Variants in SLC35A5 observed in about 807,000 individuals in gnomAD.
The protein encoded by SLC35A5 is solute carrier family 35 member A5, also known as UDP-sugar transporter protein SLC35A5.
In SLC35A5, 28 loss-of-function variants were observed where a neutral mutation model predicts 36.3. The observed-to-expected ratio is 0.77, with a 90% CI of 0.57 to 1.06. The LOEUF is 1.06. SLC35A5 is among the 50% of genes least tolerant of loss of function. The probability of loss-of-function intolerance (pLI) is 0.00; values close to 1 mark genes in which losing one functional copy is unlikely to be tolerated. For missense variants in SLC35A5, 521 were observed against 499.3 expected, an observed-to-expected ratio of 1.04 and a Z score of -0.41; for synonymous variants, 180 against 173.7, an observed-to-expected ratio of 1.04 and a Z score of -0.29.
In SLC35A5 at chr3:112,570,112, A is replaced by G. The variant is rs978951961; in HGVS notation, c.230-428A>G. Among the ~76,000 whole-genome samples the G allele has an allele frequency of 3.3e-5, 5 of 152,220 alleles. No homozygotes were observed. In the South Asian group the frequency reaches 1.0e-3, roughly 31 times the overall value. ...GGAATAATAACTGACAGGATTACTA[A>G]AAGTTAACTTTCTCTAGTTCCATAT... On this transcript the variant is annotated intron_variant, in intron 3 of 6. Coordinates refer to ENST00000492406, the MANE Select transcript of SLC35A5 (RefSeq NM_017945.5).
At chr3:112,575,870 G>A (rs1220325732) in intron 5 of SLC35A5, among the ~76,000 whole-genome samples, 1 of 141,748 alleles carries the variant, frequency 7.1e-6, no homozygotes, top group African/African-American at 2.6e-5. Flanking sequence ...AGCAATTCTT[G>A]TTCCTCAGCC....
At chr3:112,581,661 A>T (rs893456470) in intron 6 of SLC35A5, among the ~76,000 whole-genome samples, 1 of 152,200 alleles carries the variant, frequency 6.6e-6, no homozygotes, top group African/African-American at 2.4e-5. Context: ...GTTTACAGAT[A>T]ATAAATGAAA....
chr3:112,571,758 C>T (rs1934447954), intron 4 of SLC35A5, among the ~76,000 whole-genome samples: 1 of 152,154 alleles, frequency 6.6e-6, no homozygotes, highest in African/African-American at 2.4e-5. Context: ...GAGACTTACT[C>T]AGTACCATGA....
At position 112,582,879 on chromosome 3, in the gene SLC35A5, G is replaced by C; in HGVS notation, c.*143G>C. The C allele has an allele frequency of 3.0e-6, 2 of 668,254 alleles. No homozygotes were observed. The highest frequency in any genetic ancestry group is 5.0e-6 in the Non-Finnish European group (2 of 402,242). The allele number at this position is 668,254 out of a possible 1,614,324, so 41.4% of individuals were successfully genotyped here. On this transcript the variant is annotated 3_prime_UTR_variant, in exon 7 of 7. Coordinates refer to ENST00000492406, the MANE Select transcript of SLC35A5 (RefSeq NM_017945.5). The stretch of plus-strand genomic sequence containing the variant: ...CATATATCTAGCTACTCCCTAAATG[G>C]TTCCATCCAAGGCTTAGAGTACCCA...
chr3:112,582,777 T>G lies in SLC35A5; in HGVS notation c.*41T>G. 1 of 1,446,972 alleles carries G rather than the reference T, an allele frequency of 6.9e-7. No individual in the cohort carries two copies. Among genetic ancestry groups the G allele is most frequent in the Non-Finnish European group, 9.7e-7 (1 of 1,035,352 alleles). 89.6% of individuals were successfully genotyped at this position (1,446,972 alleles called of 1,614,324 possible). A position where few individuals can be genotyped will look rare whatever the true frequency, so the allele number is the denominator to read the frequency against. On this transcript the variant is annotated 3_prime_UTR_variant, in exon 7 of 7. Transcript: ENST00000492406. Reference sequence around the variant, plus strand: ...TTTGCAGCTCTCTTGAACCTTATTTTCACATTTTCAGTGTTTGTAATATTT... The same window carrying G: ...TTTGCAGCTCTCTTGAACCTTATTTGCACATTTTCAGTGTTTGTAATATTT...
At chr3:112,574,248 A>G (rs1934575912) in intron 5 of SLC35A5, among the ~76,000 whole-genome samples, 1 of 152,214 alleles carries the variant, frequency 6.6e-6, no homozygotes, top group South Asian at 2.1e-4. Flanking sequence ...ACAAAGAATT[A>G]ATGAGCTTTT....
At chr3:112,564,552 A>T (rs1353375343) in intron 2 of SLC35A5, among the ~76,000 whole-genome samples, 1 of 152,134 alleles carries the variant, frequency 6.6e-6, no homozygotes, top group African/African-American at 2.4e-5. Context: ...AGCAGGAGAC[A>T]GATGCCTTCC....
rs1382489099 is a variant in SLC35A5, at chr3:112,581,173, C to T, written c.1056C>T (p.Asp352=). 1.9e-6 allele frequency: 3 copies of T among 1,613,980 alleles called. No homozygotes were observed. The highest frequency in any genetic ancestry group is 1.1e-5 in the South Asian group (1 of 91,072). ...IITTVSVLVF[D]FRPSLEFFLE... is the part of the protein sequence containing the mutation. ...CAACAGTGTCTGTCCTGGTCTTTGA[C>T]TTCAGGCCCTCCCTGGAATTTTTCT... Residue 352 remains aspartate (D), a synonymous_variant, in exon 6 of 7, where the codon GAC becomes GAT. Transcript: ENST00000492406.
chr3:112,572,104 G>A (rs34542771), intron 4 of SLC35A5, among the ~76,000 whole-genome samples: 6,268 of 149,532 alleles, frequency 0.042, 244 homozygotes, highest in Admixed American at 0.11. Context: ...CACCGCGCCC[G>A]GCTAATTTTT....
In SLC35A5 at chr3:112,569,071, G is replaced by C. The variant is rs192599045; in HGVS notation, c.131-100G>C. 9.5e-6 allele frequency: 9 copies of C among 943,726 alleles called. No homozygotes were observed. The East Asian group carries it at 2.0e-4, about 20-fold the overall frequency. 58.5% of individuals were successfully genotyped at this position (943,726 alleles called of 1,614,324 possible). ...TGGAAGAAACTTAATATAACCAGTA[G>C]TAAATCCAGCTTTTAAATTTTAAAA... On this transcript the variant is annotated intron_variant, in intron 2 of 6. Coordinates refer to ENST00000492406, the MANE Select transcript of SLC35A5 (RefSeq NM_017945.5).
At chr3:112,577,091 A>G (rs1379788187) in intron 5 of SLC35A5, among the ~76,000 whole-genome samples, 6 of 49,750 alleles carry the variant, frequency 1.2e-4, no homozygotes, top group Admixed American at 7.8e-4. Flanking sequence ...AAATTTTTTA[A>G]GAAAAAAAAA....
chr3:112,574,008 G>A (rs545287120), intron 5 of SLC35A5, 52 bp downstream of exon 5: 22 of 1,459,258 alleles, frequency 1.5e-5, no homozygotes, highest in East Asian at 1.1e-4. Flanking sequence ...AACATAGCCC[G>A]GTTTCAAATG....
chr3:112,578,635 C>T (rs1934763975), intron 5 of SLC35A5, among the ~76,000 whole-genome samples: 1 of 152,096 alleles, frequency 6.6e-6, no homozygotes, highest in South Asian at 2.1e-4. Flanking sequence ...AAAAATCTAC[C>T]ATTTTTAATT....
At chr3:112,580,326 C>T (rs1257270471) in intron 5 of SLC35A5, among the ~76,000 whole-genome samples, 2 of 152,146 alleles carry the variant, frequency 1.3e-5, no homozygotes, top group Non-Finnish European at 2.9e-5. Flanking sequence ...AGGGAAATGA[C>T]TTGAGCAGCC....
intron 4 of SLC35A5, 44 bp downstream of exon 4, chr3:112,570,714 G>A: frequency 6.8e-7 from 1 of 1,481,426 alleles, no homozygotes; most frequent in Non-Finnish European, 8.9e-7. Flanking sequence ...AAGATACAGA[G>A]AAATAAATCC....
rs1252888575 is a variant in SLC35A5, at chr3:112,584,478, TAGC to T, written c.*1745_*1747del. On this transcript the variant is annotated 3_prime_UTR_variant, in exon 7 of 7. Transcript: ENST00000492406. ...GGTATCACATACAGAATACATTAAATAGCAGATTTCAGTAGTGCATGGAGATTG... is the reference window on the plus strand; with the variant it reads ...GGTATCACATACAGAATACATTAAATAGATTTCAGTAGTGCATGGAGATTG... 6.6e-6 allele frequency: 1 copy of T among 152,206 alleles called. No homozygotes were observed. Among genetic ancestry groups the T allele is most frequent in the Non-Finnish European group, 1.5e-5 (1 of 68,028 alleles). The allele number at this position is 152,206 out of a possible 1,614,324, so 9.4% of individuals were successfully genotyped here. A position where few individuals can be genotyped will look rare whatever the true frequency, so the allele number is the denominator to read the frequency against.
At chr3:112,561,864 TGTCTGTC>T, upstream of SLC35A5, 1 of 302,928 alleles carries the variant, frequency 3.3e-6, no homozygotes, top group Non-Finnish European at 6.2e-6. Flanking sequence ...CTCTGCGAGC[TGTCTGTC>T]CTCGCTTTGC....
intron 1 of SLC35A5, among the ~76,000 whole-genome samples, chr3:112,563,071 A>G (rs1934008676): frequency 6.6e-6 from 1 of 150,722 alleles, no homozygotes. Flanking sequence ...AAATACATAA[A>G]TAAATAAAAT....
chr3:112,571,955 A>G (rs1934462103), intron 4 of SLC35A5, among the ~76,000 whole-genome samples: 1 of 55,010 alleles, frequency 1.8e-5, no homozygotes, highest in Admixed American at 3.3e-4. Context: ...TTTTTTTTTG[A>G]GACGGAGTCT....
Sources: allele counts gnomAD v4.1 joint callset (sites outside exome capture counted in the v4.1 genomes callset), GRCh38; gene constraint gnomAD v4.1.1; transcripts MANE v1.5; gene names NCBI Gene and HGNC (gene_info 2026-07-23, HGNC 2026-07-21).